UNC5D: variants seen among roughly 807,000 people sequenced by gnomAD.
UNC5D encodes the protein unc-5 netrin receptor D, also known as netrin receptor UNC5D.
In UNC5D, 39 loss-of-function variants were observed where a neutral mutation model predicts 105.4. That is an observed-to-expected ratio of 0.37 (90% CI 0.29 to 0.48). The LOEUF is 0.48. Ranked by LOEUF, UNC5D falls within the 20% of genes least tolerant of loss-of-function variation. The probability of loss-of-function intolerance (pLI) is 0.98; values close to 1 mark genes in which losing one functional copy is unlikely to be tolerated. For synonymous variants in UNC5D, 452 were observed against 450.4 expected, an observed-to-expected ratio of 1.00 and a Z score of -0.04; for missense variants, 991 against 1,202.4, an observed-to-expected ratio of 0.82 and a Z score of 2.60.
intron 13 of UNC5D, among the ~76,000 whole-genome samples, chr8:35,752,103 A>T (rs1419967532): frequency 1.3e-5 from 2 of 152,176 alleles, no homozygotes; most frequent in African/African-American, 4.8e-5. Flanking sequence ...ATTAATTATC[A>T]GGGCTACTAG....
chr8:35,723,995 G>A (rs1282605895), intron 9 of UNC5D, among the ~76,000 whole-genome samples: 2 of 151,814 alleles, frequency 1.3e-5, no homozygotes, highest in Non-Finnish European at 2.9e-5. Flanking sequence ...GTAAGCCCTT[G>A]GCATATGGAA....
intron 1 of UNC5D, among the ~76,000 whole-genome samples, chr8:35,503,959 A>G (rs1443677553): frequency 6.6e-6 from 1 of 152,224 alleles, no homozygotes; most frequent in Non-Finnish European, 1.5e-5. Context: ...AAACAATCCT[A>G]TAAAGCAGAA....
intron 1 of UNC5D, among the ~76,000 whole-genome samples, chr8:35,372,915 A>G (rs752649290): frequency 1.1e-4 from 16 of 152,156 alleles, no homozygotes; most frequent in Non-Finnish European, 2.2e-4. Context: ...ATATTTTTAT[A>G]CACTCAATCC....
intron 1 of UNC5D, among the ~76,000 whole-genome samples, chr8:35,317,570 G>A (rs1211368371): frequency 6.6e-6 from 1 of 151,978 alleles, no homozygotes; most frequent in East Asian, 1.9e-4. Flanking sequence ...AAAGCAGAAC[G>A]CCCATCAATT....
At chr8:35,660,016 A>T (rs1479239841) in intron 4 of UNC5D, among the ~76,000 whole-genome samples, 1 of 152,156 alleles carries the variant, frequency 6.6e-6, no homozygotes, top group Non-Finnish European at 1.5e-5. Flanking sequence ...ACTTCCATTC[A>T]TTTCCACCTA....
intron 1 of UNC5D, among the ~76,000 whole-genome samples, chr8:35,414,353 G>C (rs1805396872): frequency 6.6e-6 from 1 of 152,010 alleles, no homozygotes; most frequent in African/African-American, 2.4e-5. Flanking sequence ...TTGCCATGTA[G>C]TTATAACACA....
chr8:35,403,656 C>T (rs1161552825), intron 1 of UNC5D, among the ~76,000 whole-genome samples: 1 of 152,164 alleles, frequency 6.6e-6, no homozygotes, highest in African/African-American at 2.4e-5. Flanking sequence ...TGGCACTGAA[C>T]AAGTTTCAGA....
chr8:35,790,244 C>T (rs1586652182), intron 16 of UNC5D, 115 bp from the exon 17 acceptor site: 8 of 1,126,388 alleles, frequency 7.1e-6, no homozygotes, highest in East Asian at 5.1e-5. Flanking sequence ...AGCTTTTTAT[C>T]CCTACTATAA....
Position 35,728,095 on chromosome 8 carries a change from A to AAAAAAAAATAT in UNC5D, c.1681+1567_1681+1568insAAAAAAATATA, listed in dbSNP as rs34672872. On this transcript the variant is annotated intron_variant, in intron 10 of 16. Transcript: ENST00000404895. ...CTAAAAAAAAAAAAAAAAAAAAAAA[A>AAAAAAAAATAT]ATATATATATATATATGCCATAAAA... Among the ~76,000 whole-genome samples, 167 of 110,274 alleles carry AAAAAAAAATAT rather than the reference A, an allele frequency of 1.5e-3. 3 individuals carry two copies. The highest frequency in any genetic ancestry group is 0.013 in the Admixed American group (127 of 9,860). 72.3% of individuals were successfully genotyped at this position (110,274 alleles called of 152,430 possible). A position where few individuals can be genotyped will look rare whatever the true frequency, so the allele number is the denominator to read the frequency against.
intron 1 of UNC5D, among the ~76,000 whole-genome samples, chr8:35,411,774 A>G (rs1451544847): frequency 6.6e-6 from 1 of 152,022 alleles, no homozygotes; most frequent in Non-Finnish European, 1.5e-5. Context: ...AATCTCCAGG[A>G]GAGCAAGGAC....
At chr8:35,631,876 T>C (rs1822063094) in intron 4 of UNC5D, among the ~76,000 whole-genome samples, 1 of 152,232 alleles carries the variant, frequency 6.6e-6, no homozygotes. Context: ...TAACATTACC[T>C]TGACTTACTT....
intron 1 of UNC5D, among the ~76,000 whole-genome samples, chr8:35,510,346 C>T (rs1812619947): frequency 1.3e-5 from 2 of 150,204 alleles, no homozygotes; most frequent in South Asian, 2.1e-4. Flanking sequence ...TTTGGAGATT[C>T]CCAGGATATT....
rs574186840 is a variant in UNC5D at position 35,792,529 on chromosome 8, T to C, written c.*1966T>C. On this transcript the variant is annotated 3_prime_UTR_variant, in exon 17 of 17. Transcript: ENST00000404895. The stretch of plus-strand genomic sequence containing the variant: ...TAGTGTGCTTAACTTATTTATTTCT[T>C]CTAGGAAACAATAGATAAACAGCAT... 1 of 154,794 alleles carries C rather than the reference T, an allele frequency of 6.5e-6. No individual in the cohort carries two copies. Among genetic ancestry groups the C allele is most frequent in the East Asian group, 1.9e-4 (1 of 5,220 alleles). 9.6% of individuals were successfully genotyped at this position (154,794 alleles called of 1,614,324 possible).
At chr8:35,268,197 G>C (rs941081150) in intron 1 of UNC5D, among the ~76,000 whole-genome samples, 3 of 151,900 alleles carry the variant, frequency 2.0e-5, no homozygotes, top group Non-Finnish European at 4.4e-5. Flanking sequence ...CCAACTGTTT[G>C]TTAAAAATAT....
chr8:35,503,512 T>C (rs1812102862), intron 1 of UNC5D, among the ~76,000 whole-genome samples: 1 of 152,180 alleles, frequency 6.6e-6, no homozygotes, highest in African/African-American at 2.4e-5. Flanking sequence ...GGAGTTACAA[T>C]TCAAGATGAG....
intron 4 of UNC5D, among the ~76,000 whole-genome samples, chr8:35,641,142 G>A (rs559163180): frequency 6.6e-6 from 1 of 152,004 alleles, no homozygotes; most frequent in African/African-American, 2.4e-5. Flanking sequence ...AAAGGCACAA[G>A]GATCTCACAT....
chr8:35,341,608 A>C (rs372178673), intron 1 of UNC5D, among the ~76,000 whole-genome samples: 35 of 152,222 alleles, frequency 2.3e-4, no homozygotes, highest in African/African-American at 7.9e-4. Context: ...CCTTTATGCA[A>C]GTACTTAGAA....
intron 2 of UNC5D, among the ~76,000 whole-genome samples, chr8:35,553,450 C>A (rs567106926): frequency 6.6e-6 from 1 of 151,892 alleles, no homozygotes; most frequent in Non-Finnish European, 1.5e-5. Context: ...TATTATATAC[C>A]GATTTTTAAA....
intron 1 of UNC5D, among the ~76,000 whole-genome samples, chr8:35,390,100 G>T (rs527497103): frequency 1.3e-5 from 2 of 152,158 alleles, no homozygotes; most frequent in Non-Finnish European, 2.9e-5. Context: ...GAAGGCAAAG[G>T]GGGAGCAGGC....
Sources: gnomAD v4.1 joint callset for allele counts (sites outside exome capture counted in the v4.1 genomes callset) on GRCh38, gnomAD v4.1.1 for gene constraint, MANE v1.5 for transcripts, NCBI Gene and HGNC (gene_info 2026-07-23, HGNC 2026-07-21) for gene names.